The following OSBPL1A variants were observed in gnomAD, a reference collection of about 807,000 sequenced individuals.
OSBPL1A encodes oxysterol-binding protein-related protein 1.
Under a neutral mutation model 137.1 loss-of-function variants are expected in OSBPL1A, and 80 were observed. That is an observed-to-expected ratio of 0.58 (90% CI 0.49 to 0.70). The LOEUF (loss-of-function observed/expected upper bound fraction) is 0.70. OSBPL1A is among the 30% of genes least tolerant of loss of function. The pLI is 0.00. For missense variants in OSBPL1A, 970 were observed against 1,129.4 expected (o/e 0.86, Z 2.02); for synonymous variants, 365 against 389.7 (o/e 0.94, Z 0.75).
chr18:24,266,243 C>T (rs899708131), intron 15 of OSBPL1A, among the ~76,000 whole-genome samples: 2 of 152,150 alleles, frequency 1.3e-5, no homozygotes, highest in African/African-American at 4.8e-5. Flanking sequence ...CCACGCTCTC[C>T]CTGGCTCTGT....
At chr18:24,189,663 C>G (rs924525563) in intron 18 of OSBPL1A, among the ~76,000 whole-genome samples, 2 of 151,922 alleles carry the variant, frequency 1.3e-5, no homozygotes, top group African/African-American at 4.8e-5. Flanking sequence ...GTTCCCCCCG[C>G]TCCACACGAT....
intron 17 of OSBPL1A, among the ~76,000 whole-genome samples, chr18:24,207,946 T>C (rs1012718399): frequency 6.6e-6 from 1 of 152,156 alleles, no homozygotes; most frequent in African/African-American, 2.4e-5. Flanking sequence ...GGTTTTGCCA[T>C]GTTACCCAGG....
At chr18:24,266,524 A>G (rs759807871) in intron 15 of OSBPL1A, among the ~76,000 whole-genome samples, 21 of 152,128 alleles carry the variant, frequency 1.4e-4, no homozygotes, top group Non-Finnish European at 2.8e-4. Flanking sequence ...TCAAGAATAG[A>G]AAAGAAAGTA....
At position 24,170,329 on chromosome 18, in the gene OSBPL1A, G is replaced by A; in HGVS notation, c.2416C>T (p.Gln806Ter). ...KNTEEKKNSK[Q>*]MSTSEELDEM... ...ATACCACCTTACAGGATGTTCACCT[G>A]TTTGCTGTTCTTCTTCTCTTCTGTA... is the stretch of plus-strand genomic sequence containing the variant. The change falls in exon 24 of 28, where the codon CAG (glutamine) becomes TAG (stop). Residue 806 changes from glutamine to a stop codon, truncating the protein, a stop_gained and splice_region_variant. Coordinates refer to ENST00000319481, the MANE Select transcript of OSBPL1A (RefSeq NM_080597.4). LOFTEE classifies it high-confidence loss of function. The A allele has an allele frequency of 6.2e-7, 1 of 1,614,136 alleles. No homozygotes were observed. The highest frequency in any genetic ancestry group is 8.5e-7 in the Non-Finnish European group (1 of 1,180,012).
At chr18:24,187,046 A>C (rs2086767284) in intron 18 of OSBPL1A, among the ~76,000 whole-genome samples, 1 of 152,208 alleles carries the variant, frequency 6.6e-6, no homozygotes, top group Non-Finnish European at 1.5e-5. Context: ...TGGATAAGGA[A>C]AAATTGGCGT....
At chr18:24,252,007 G>A (rs1242320385) in intron 15 of OSBPL1A, among the ~76,000 whole-genome samples, 1 of 152,056 alleles carries the variant, frequency 6.6e-6, no homozygotes, top group Non-Finnish European at 1.5e-5. Flanking sequence ...CTGAAGACAG[G>A]CTACTTAAAA....
intron 17 of OSBPL1A, among the ~76,000 whole-genome samples, chr18:24,207,624 A>T (rs1231446372): frequency 3.9e-5 from 6 of 152,270 alleles, no homozygotes; most frequent in Admixed American, 2.6e-4. Flanking sequence ...ATTTCAACAC[A>T]TCTGTAACTA....
chr18:24,371,160 A>G (rs1568060514), intron 2 of OSBPL1A, among the ~76,000 whole-genome samples: 1 of 152,136 alleles, frequency 6.6e-6, no homozygotes, highest in Non-Finnish European at 1.5e-5. Context: ...CTCCATAACC[A>G]CACCCAGGTC....
chr18:24,242,932 A>AT (rs1188212725), intron 15 of OSBPL1A, among the ~76,000 whole-genome samples: 5 of 152,220 alleles, frequency 3.3e-5, no homozygotes, highest in Admixed American at 6.5e-5. Context: ...AAAAAAATAA[A>AT]TAAAAAGCTG....
chr18:24,204,401 T>C (rs537294547), intron 17 of OSBPL1A, among the ~76,000 whole-genome samples: 1 of 152,306 alleles, frequency 6.6e-6, no homozygotes, highest in South Asian at 2.1e-4. Context: ...AAGAATTTTT[T>C]TTGTATGTGA....
intron 18 of OSBPL1A, among the ~76,000 whole-genome samples, chr18:24,192,330 G>A (rs754388795): frequency 6.6e-6 from 1 of 152,126 alleles, no homozygotes; most frequent in Non-Finnish European, 1.5e-5. Flanking sequence ...GAGGCTTTCG[G>A]ATTAAAGAGT....
At chr18:24,322,575 C>T (rs1304645200) in intron 7 of OSBPL1A, among the ~76,000 whole-genome samples, 1 of 152,068 alleles carries the variant, frequency 6.6e-6, no homozygotes, top group Non-Finnish European at 1.5e-5. Context: ...CTGCCTAGCA[C>T]ATAGGAAAAT....
intron 18 of OSBPL1A, among the ~76,000 whole-genome samples, chr18:24,194,432 G>T (rs185245751): frequency 7.6e-4 from 116 of 152,168 alleles, no homozygotes; most frequent in African/African-American, 2.6e-3. Flanking sequence ...TTGCATACTG[G>T]ATCATAAAGG....
chr18:24,216,717 A>G (rs2087713016), intron 17 of OSBPL1A, among the ~76,000 whole-genome samples: 2 of 152,114 alleles, frequency 1.3e-5, no homozygotes, highest in Non-Finnish European at 2.9e-5. Flanking sequence ...AAGGACAAAA[A>G]CAATTTTATT....
chr18:24,218,478 C>G (rs2087777161), intron 17 of OSBPL1A: 1 of 152,188 alleles, frequency 6.6e-6, no homozygotes, highest in Non-Finnish European at 1.5e-5. Flanking sequence ...GAGTCTCGCT[C>G]CGTCACCCAG....
intron 16 of OSBPL1A, among the ~76,000 whole-genome samples, chr18:24,232,168 T>C (rs1567962972): frequency 6.6e-6 from 1 of 152,186 alleles, no homozygotes; most frequent in Non-Finnish European, 1.5e-5. Context: ...TACAACTGCA[T>C]AAACTCAGAA....
chr18:24,384,807 G>A (rs1752032514), intron 1 of OSBPL1A, among the ~76,000 whole-genome samples: 1 of 151,166 alleles, frequency 6.6e-6, no homozygotes, highest in African/African-American at 2.4e-5. Flanking sequence ...GAGGCAGGCA[G>A]AGGTTGCAGT....
At chr18:24,212,102 T>G (rs1169232349) in intron 17 of OSBPL1A, among the ~76,000 whole-genome samples, 1 of 151,870 alleles carries the variant, frequency 6.6e-6, no homozygotes, top group African/African-American at 2.4e-5. Flanking sequence ...ATAGTCTCGC[T>G]CTCTTGCCAG....
intron 17 of OSBPL1A, among the ~76,000 whole-genome samples, chr18:24,210,876 C>T (rs2087518201): frequency 6.6e-6 from 1 of 152,062 alleles, no homozygotes; most frequent in African/African-American, 2.4e-5. Flanking sequence ...TGCTATTTAT[C>T]AAATTTTTAA....
Sources: allele counts gnomAD v4.1 joint callset (sites outside exome capture counted in the v4.1 genomes callset), GRCh38; gene constraint gnomAD v4.1.1; transcripts MANE v1.5; gene names NCBI Gene and HGNC (gene_info 2026-07-23, HGNC 2026-07-21).